The following ATM variants were observed in gnomAD, a reference collection of about 807,000 sequenced individuals.
ATM encodes ATM serine/threonine kinase.
A neutral mutation model predicts 387.0 loss-of-function variants in ATM; 308 were observed. That is an observed-to-expected ratio of 0.80 (90% CI 0.73 to 0.87). The LOEUF is 0.87. Among genes scored for constraint, ATM ranks in the 40% least tolerant of loss-of-function variants. The probability of loss-of-function intolerance (pLI) is 0.00; values close to 1 mark genes in which losing one functional copy is unlikely to be tolerated. For synonymous variants in ATM, 1,156 were observed against 1,187.3 expected, an observed-to-expected ratio of 0.97 and a Z score of 0.54; for missense variants, 3,312 against 3,560.9, an observed-to-expected ratio of 0.93 and a Z score of 1.78.
At chr11:108,327,122 C>T (rs985150825) in intron 47 of ATM, among the ~76,000 whole-genome samples, 2 of 152,162 alleles carry the variant, frequency 1.3e-5, no homozygotes, top group African/African-American at 2.4e-5. Context: ...GCCACCACGC[C>T]CGGCCTTTAC....
chr11:108,292,367 A>T (rs969068335), intron 29 of ATM, among the ~76,000 whole-genome samples: 2 of 152,170 alleles, frequency 1.3e-5, no homozygotes, highest in African/African-American at 4.8e-5. Context: ...TATTTTACAG[A>T]ATTCTAACAA....
At chr11:108,325,634 A>G in intron 46 of ATM, 90 bp downstream of exon 46, 1 of 1,098,220 alleles carries the variant, frequency 9.1e-7, no homozygotes, top group Non-Finnish European at 1.3e-6. Flanking sequence ...AAGAAATGTC[A>G]TTAAGAGATA....
At chr11:108,252,454 A>G (rs2080205516) in intron 11 of ATM, among the ~76,000 whole-genome samples, 1 of 152,184 alleles carries the variant, frequency 6.6e-6, no homozygotes, top group South Asian at 2.1e-4. Flanking sequence ...GGATAAAGGA[A>G]TGGAGTCCCT....
At chr11:108,328,019 T>C (rs373198088) in intron 48 of ATM, among the ~76,000 whole-genome samples, 2 of 152,278 alleles carry the variant, frequency 1.3e-5, no homozygotes, top group African/African-American at 2.4e-5. Context: ...TTTCAGCAGG[T>C]TGCTTCTGAT....
intron 5 of ATM, among the ~76,000 whole-genome samples, chr11:108,238,051 T>C (rs189038): frequency 9.2e-5 from 14 of 151,776 alleles, no homozygotes; most frequent in South Asian, 2.1e-4. Context: ...CTCAGCCTCC[T>C]GAGTAGCTGG....
intron 29 of ATM, among the ~76,000 whole-genome samples, chr11:108,291,005 G>GCGGGTGGATCACAAGGTCAGGAGAT: frequency 6.6e-6 from 1 of 152,168 alleles, no homozygotes; most frequent in Admixed American, 6.5e-5. Context: ...GGAGGCTGAG[G>GCGGGTGGATCACAAGGTCAGGAGAT]CGGGTGGATC....
At chr11:108,232,337 TTTTGTTTG>T (rs201465266) in intron 4 of ATM, among the ~76,000 whole-genome samples, 3 of 152,024 alleles carry the variant, frequency 2.0e-5, no homozygotes, top group South Asian at 2.1e-4. Context: ...CTTCAGTTGT[TTTTGTTTG>T]TTTGTTTGTT....
At chr11:108,269,818 T>A (rs1263131918) in intron 18 of ATM, among the ~76,000 whole-genome samples, 1 of 152,198 alleles carries the variant, frequency 6.6e-6, no homozygotes, top group Non-Finnish European at 1.5e-5. Flanking sequence ...AAAATGCACG[T>A]CAATCCCTTA....
intron 59 of ATM, among the ~76,000 whole-genome samples, chr11:108,349,328 A>G (rs1451567246): frequency 6.6e-6 from 1 of 152,208 alleles, no homozygotes; most frequent in Non-Finnish European, 1.5e-5. Flanking sequence ...ACCATACTGT[A>G]AAAAGGCAAG....
At chr11:108,233,668 G>A (rs1207544237) in intron 4 of ATM, among the ~76,000 whole-genome samples, 1 of 151,780 alleles carries the variant, frequency 6.6e-6, no homozygotes, top group Non-Finnish European at 1.5e-5. Flanking sequence ...GCAACATAGG[G>A]AGACCCCATC....
intron 43 of ATM, among the ~76,000 whole-genome samples, chr11:108,318,557 G>T (rs1451859234): frequency 6.6e-6 from 1 of 151,582 alleles, no homozygotes; most frequent in Non-Finnish European, 1.5e-5. Flanking sequence ...GGGTGTGCTG[G>T]AGCATGCCTG....
intron 1 of ATM, chr11:108,226,045 T>C (rs1288482408): frequency 6.6e-6 from 1 of 152,228 alleles, no homozygotes; most frequent in Non-Finnish European, 1.5e-5. Context: ...ATGTATTTTT[T>C]CTCTGTTTAC....
intron 35 of ATM, among the ~76,000 whole-genome samples, 200 bp downstream of exon 35, chr11:108,301,989 A>G (rs185144239): frequency 2.3e-4 from 35 of 152,296 alleles, no homozygotes; most frequent in Non-Finnish European, 1.5e-4. Context: ...AAGCTCAGAT[A>G]GGTAACCTGA....
At position 108,257,532 on chromosome 11, in the gene ATM, A is replaced by C; in HGVS notation, c.2302A>C (p.Asn768His). ...ESITLFKNKTNEEFRIGSLRN... is the reference protein window; with the variant it reads ...ESITLFKNKTHEEFRIGSLRN... ...TATCACTCTGTTTAAAAATAAGACA[A>C]ATGAGGAATTCAGAATTGGTTCCTT... is the stretch of plus-strand genomic sequence containing the variant. The change falls in exon 15 of 63, where the codon AAT becomes CAT. Residue 768 changes from asparagine to histidine, a missense_variant. Asn to His is a moderately conservative substitution (Grantham distance 68). Transcript: ENST00000675843. The C allele has an allele frequency of 6.2e-7, 1 of 1,614,036 alleles. No individual in the cohort carries two copies. The highest frequency in any genetic ancestry group is 1.1e-5 in the South Asian group (1 of 91,082).
At chr11:108,355,884 G>C (rs1179774732) in intron 61 of ATM, 1 of 152,162 alleles carries the variant, frequency 6.6e-6, no homozygotes, top group Non-Finnish European at 1.5e-5. Flanking sequence ...GGGTGGTCCT[G>C]TGTGCACCTT....
At chr11:108,325,251 T>A in intron 45 of ATM, 59 bp from the exon 46 acceptor site, 2 of 190,350 alleles carry the variant, frequency 1.1e-5, no homozygotes, top group Non-Finnish European at 1.5e-5. Context: ...CTTACATAGT[T>A]TTTTTTTTTT....
rs2136699335 is a variant in ATM at position 108,335,942 on chromosome 11, T to C, written c.8249T>C (p.Leu2750Ser). Residue 2750 changes from leucine to serine, a missense_variant, in exon 56 of 63, where the codon TTA (leucine) becomes TCA (serine). This residue lies in a region of ATM where 1,405 missense variants were observed against 1,604.4 expected (regional missense o/e 0.88). Transcript: ENST00000675843. ...QRNTETRKRK[L>S]TICTYKVVPL... ...AACACGGAAACTAGGAAGAGGAAATTAACTATCTGTACTTATAAGGTAACT... is the reference window on the plus strand; with the variant it reads ...AACACGGAAACTAGGAAGAGGAAATCAACTATCTGTACTTATAAGGTAACT... The C allele has an allele frequency of 6.2e-7, 1 of 1,610,342 alleles. No individual in the cohort carries two copies. The highest frequency in any genetic ancestry group is 8.5e-7 in the Non-Finnish European group (1 of 1,176,626).
chr11:108,307,767 A>G lies in ATM; in HGVS notation c.5675-130A>G. 3 of 777,358 alleles carry G rather than the reference A, an allele frequency of 3.9e-6. No homozygotes were observed. The Admixed American group carries it at 6.5e-5, about 17-fold the overall frequency. The allele number at this position is 777,358 out of a possible 1,614,324, so 48.2% of individuals were successfully genotyped here. On this transcript the variant is annotated intron_variant, in intron 37 of 62. Transcript: ENST00000675843. ...AAGAAATCCTATTAAATTCCTTCAG[A>G]ACCAATTTTGTGTTAGGTACTGCCC...
At position 108,331,569 on chromosome 11, in the gene ATM, T is replaced by C. The variant is rs373731708; in HGVS notation, c.7629+12T>C. 3 of 1,601,956 alleles carry C rather than the reference T, an allele frequency of 1.9e-6. No individual in the cohort carries two copies. The African/African-American group carries it at 4.0e-5, about 21-fold the overall frequency. On this transcript the variant is annotated intron_variant, in intron 51 of 62. Transcript: ENST00000675843. ...AAGTCCTCAATAATGTAAGTAAACC[T>C]GAAAATCAAACCACAATAATTATTT...
Sources: allele counts gnomAD v4.1 joint callset (sites outside exome capture counted in the v4.1 genomes callset), GRCh38; gene constraint gnomAD v4.1.1; regional missense constraint gnomAD v4.1.1; transcripts MANE v1.5; gene names NCBI Gene and HGNC (gene_info 2026-07-23, HGNC 2026-07-21).